The following DLC1 variants were observed in gnomAD, a reference collection of about 807,000 sequenced individuals.
DLC1 encodes the protein rho GTPase-activating protein 7.
A neutral mutation model predicts 140.3 loss-of-function variants in DLC1; 54 were observed. The ratio of observed to expected loss-of-function variants is 0.38; its 90% CI spans 0.31 to 0.48. The LOEUF is 0.48. DLC1 is among the 20% of genes least tolerant of loss of function. The probability of loss-of-function intolerance (pLI) is 0.96; values close to 1 mark genes in which losing one functional copy is unlikely to be tolerated. For missense variants in DLC1, 2,536 were observed against 1,907.0 expected (o/e 1.33, Z -6.14); for synonymous variants, 986 against 728.1 (o/e 1.35, Z -5.70).
At chr8:13,352,719 C>A (rs1212605775) in intron 4 of DLC1, among the ~76,000 whole-genome samples, 1 of 152,052 alleles carries the variant, frequency 6.6e-6, no homozygotes, top group Non-Finnish European at 1.5e-5. Flanking sequence ...TTAACTCAGT[C>A]ATTATTATGT....
intron 5 of DLC1, among the ~76,000 whole-genome samples, chr8:13,246,496 G>C (rs1829768452): frequency 6.6e-6 from 1 of 152,098 alleles, no homozygotes; most frequent in African/African-American, 2.4e-5. Context: ...TACGGAGAGA[G>C]AAGGAGAGAG....
intron 1 of DLC1, among the ~76,000 whole-genome samples, chr8:13,508,469 G>A (rs1802208584): frequency 6.6e-6 from 1 of 151,346 alleles, no homozygotes; most frequent in Non-Finnish European, 1.5e-5. Context: ...CCAGGCTGGA[G>A]TGCAGTGGCG....
At position 13,156,287 on chromosome 8, in the gene DLC1, C is replaced by G. The variant is rs74930883; in HGVS notation, c.1349-40630G>C. The stretch of plus-strand genomic sequence containing the variant: ...GAATATCATGGCCAAAATGTCATCC[C>G]GTAGGATCCAAGTTACATTCACATA... On this transcript the variant is annotated intron_variant, in intron 5 of 17. Transcript: ENST00000276297. Among the ~76,000 whole-genome samples, 23 of 152,206 alleles carry G rather than the reference C, an allele frequency of 1.5e-4. No homozygotes were observed. In the East Asian group the frequency reaches 2.7e-3, roughly 18 times the overall value.
At chr8:13,210,018 T>C (rs1827863176) in intron 5 of DLC1, among the ~76,000 whole-genome samples, 1 of 152,128 alleles carries the variant, frequency 6.6e-6, no homozygotes, top group African/African-American at 2.4e-5. Flanking sequence ...CTTTGAAATA[T>C]TAAGATTATG....
chr8:13,331,578 C>T (rs1013534027), intron 4 of DLC1, among the ~76,000 whole-genome samples: 5 of 151,794 alleles, frequency 3.3e-5, no homozygotes, highest in African/African-American at 1.2e-4. Context: ...TTCTGTGCAC[C>T]ATATAATGCT....
At chr8:13,221,898 A>C (rs1167157623) in intron 5 of DLC1, among the ~76,000 whole-genome samples, 1 of 143,272 alleles carries the variant, frequency 7.0e-6, no homozygotes, top group Non-Finnish European at 1.5e-5. Context: ...ATAATTATAT[A>C]TTAAAATATA....
intron 2 of DLC1, among the ~76,000 whole-genome samples, chr8:13,473,467 C>A (rs1367657529): frequency 6.6e-6 from 1 of 152,090 alleles, no homozygotes; most frequent in Admixed American, 6.5e-5. Flanking sequence ...TGCCATGATA[C>A]AGTAAATTGG....
chr8:13,381,276 G>A (rs945251759), intron 4 of DLC1, among the ~76,000 whole-genome samples: 3 of 152,136 alleles, frequency 2.0e-5, no homozygotes, highest in Non-Finnish European at 4.4e-5. Flanking sequence ...AGCCTCAGCC[G>A]GGAGAAGATG....
intron 5 of DLC1, among the ~76,000 whole-genome samples, chr8:13,290,683 A>T (rs188595231): frequency 6.6e-6 from 1 of 152,290 alleles, no homozygotes; most frequent in East Asian, 1.9e-4. Context: ...AAAAGTGCCA[A>T]TTGCTGAATA....
chr8:13,378,867 A>C (rs1373217578), intron 4 of DLC1, among the ~76,000 whole-genome samples: 3 of 152,194 alleles, frequency 2.0e-5, no homozygotes, highest in African/African-American at 4.8e-5. Flanking sequence ...CCACTCTGAC[A>C]ATATTCTTAA....
At chr8:13,152,854 C>G (rs897856952) in intron 5 of DLC1, among the ~76,000 whole-genome samples, 1 of 137,938 alleles carries the variant, frequency 7.2e-6, no homozygotes, top group African/African-American at 2.6e-5. Flanking sequence ...CCAACCATAA[C>G]TTGGTCAATT....
intron 5 of DLC1, among the ~76,000 whole-genome samples, chr8:13,161,820 T>C (rs1394439111): frequency 6.6e-6 from 1 of 152,226 alleles, no homozygotes; most frequent in Non-Finnish European, 1.5e-5. Context: ...TGCGAACTCA[T>C]GTTCAGAGCC....
chr8:13,470,391 A>T (rs1414226237), intron 2 of DLC1, among the ~76,000 whole-genome samples: 1 of 150,660 alleles, frequency 6.6e-6, no homozygotes, highest in Non-Finnish European at 1.5e-5. Context: ...AAACAACCAA[A>T]CAAACAACAG....
At chr8:13,564,529 T>C (rs1199175878) in intron 1 of DLC1, among the ~76,000 whole-genome samples, 1 of 152,174 alleles carries the variant, frequency 6.6e-6, no homozygotes, top group Non-Finnish European at 1.5e-5. Context: ...TCCCACTTTG[T>C]ACACTGCACA....
At chr8:13,241,567 C>T (rs1407692064) in intron 5 of DLC1, among the ~76,000 whole-genome samples, 3 of 152,250 alleles carry the variant, frequency 2.0e-5, no homozygotes, top group East Asian at 1.9e-4. Flanking sequence ...CTGAATGTAG[C>T]GGAGGAAATG....
At chr8:13,259,278 T>C (rs79291517) in intron 5 of DLC1, among the ~76,000 whole-genome samples, 9,644 of 151,504 alleles carry the variant, frequency 0.064, 423 homozygotes, top group South Asian at 0.095. Flanking sequence ...TCCAACACAA[T>C]AAATTATAAA....
chr8:13,506,429 G>C (rs1296348112), intron 1 of DLC1, among the ~76,000 whole-genome samples: 1 of 151,270 alleles, frequency 6.6e-6, no homozygotes, highest in Admixed American at 6.6e-5. Context: ...TTCTTCCTTA[G>C]ATAGCTAGAA....
chr8:13,411,944 T>C (rs905944162), intron 2 of DLC1, among the ~76,000 whole-genome samples: 2 of 152,164 alleles, frequency 1.3e-5, no homozygotes, highest in Admixed American at 6.5e-5. Flanking sequence ...TTAAATTTCA[T>C]CTGCAAGAGA....
intron 4 of DLC1, among the ~76,000 whole-genome samples, chr8:13,354,275 T>C (rs938877603): frequency 2.0e-5 from 3 of 152,168 alleles, no homozygotes; most frequent in African/African-American, 4.8e-5. Flanking sequence ...TGCAGAAATT[T>C]GTACTTCTGT....
Sources: gnomAD v4.1 joint callset for allele counts (sites outside exome capture counted in the v4.1 genomes callset) on GRCh38, gnomAD v4.1.1 for gene constraint, MANE v1.5 for transcripts, NCBI Gene and HGNC (gene_info 2026-07-23, HGNC 2026-07-21) for gene names.